Variants in TNPO2 observed in about 807,000 individuals in gnomAD.
TNPO2 encodes the protein transportin 2.
In TNPO2, 16 loss-of-function variants were observed where a neutral mutation model predicts 111.1. The observed-to-expected ratio is 0.14, with a 90% confidence interval of 0.10 to 0.22. TNPO2 has a LOEUF of 0.22. TNPO2 is among the 10% of genes least tolerant of loss of function. The pLI is 1.00. For missense variants in TNPO2, 530 were observed against 1,173.7 expected, an observed-to-expected ratio of 0.45 and a Z score of 8.01; for synonymous variants, 481 against 475.8, an observed-to-expected ratio of 1.01 and a Z score of -0.14.
intron 20 of TNPO2, chr19:12,703,166 T>G (rs774638888): frequency 1.2e-4 from 69 of 579,608 alleles, no homozygotes; most frequent in Non-Finnish European, 5.2e-5. Context: ...GCTGCCCAAG[T>G]CAAAGGAAAA....
intron 3 of TNPO2, 101 bp downstream of exon 3, chr19:12,720,778 T>A: frequency 7.1e-7 from 1 of 1,417,474 alleles, no homozygotes; most frequent in Non-Finnish European, 9.3e-7. Flanking sequence ...GCAGAAAAAA[T>A]CTGGGGACTA....
chr19:12,711,862 A>G (rs1030139110), intron 10 of TNPO2, among the ~76,000 whole-genome samples: 2 of 148,622 alleles, frequency 1.3e-5, no homozygotes, highest in Non-Finnish European at 2.9e-5. Context: ...GCCTCCAGAG[A>G]AAGGTTTTTT....
In TNPO2 at chr19:12,702,280, C is replaced by T; in HGVS notation, c.2306-103G>A. The T allele has an allele frequency of 9.9e-7, 1 of 1,007,916 alleles. No individual in the cohort carries two copies. Among genetic ancestry groups the T allele is most frequent in the South Asian group, 1.4e-5 (1 of 70,092 alleles). The allele number at this position is 1,007,916 out of a possible 1,614,324, so 62.4% of individuals were successfully genotyped here. A position where few individuals can be genotyped will look rare whatever the true frequency, so the allele number is the denominator to read the frequency against. On this transcript the variant is annotated intron_variant, in intron 21 of 25. Coordinates refer to ENST00000425528, the MANE Select transcript of TNPO2 (RefSeq NM_001382241.1). The surrounding 1 kb of genome is among the most constrained non-coding windows in gnomAD (Gnocchi z 5.5). The stretch of plus-strand genomic sequence containing the variant: ...CAAGGGAATGGCTACTGCAGCCACC[C>T]TGGTCCCCCAAGCTTGGCCCAGCCA...
chr19:12,700,677 C>A lies in TNPO2; in HGVS notation c.*587G>T, dbSNP rs964370729. ...CACCCACCCAGCCCTCCCCAGTCAC[C>A]GCCAATTCCGGCAAAACAGCAGAAG... On this transcript the variant is annotated 3_prime_UTR_variant, in exon 26 of 26. Coordinates refer to ENST00000425528, the MANE Select transcript of TNPO2 (RefSeq NM_001382241.1). The A allele has an allele frequency of 1.3e-5, 2 of 150,016 alleles. No individual in the cohort carries two copies. Among genetic ancestry groups the A allele is most frequent in the Admixed American group, 6.7e-5 (1 of 14,926 alleles). 9.3% of individuals were successfully genotyped at this position (150,016 alleles called of 1,614,324 possible).
rs745383330 is a variant in TNPO2, at chr19:12,701,330, C to T, written c.*16G>A. On this transcript the variant is annotated 3_prime_UTR_variant, in exon 25 of 26. Coordinates refer to ENST00000425528, the MANE Select transcript of TNPO2 (RefSeq NM_001382241.1). This position sits in a 1 kb window ranked among gnomAD's most constrained non-coding sequence, Gnocchi z 5.0. The stretch of plus-strand genomic sequence containing the variant: ...TGCCAGCTGCAGTCTCCTTACCTGG[C>T]AGTCTCCATGATCACCTAGACCCCA... 9.4e-6 allele frequency: 15 copies of T among 1,604,028 alleles called. No individual in the cohort carries two copies. In the Admixed American group the frequency reaches 2.2e-4, roughly 23 times the overall value.
rs750214748 is a variant in TNPO2 at position 12,719,124 on chromosome 19, T to C, written c.230A>G (p.His77Arg). The C allele has an allele frequency of 9.3e-6, 15 of 1,613,862 alleles. No individual in the cohort carries two copies. In the East Asian group the frequency reaches 1.3e-4, roughly 14 times the overall value. Residue 77 changes from histidine to arginine, a missense_variant, in exon 5 of 26, where the codon CAC becomes CGC. Transcript: ENST00000425528. The surrounding 1 kb of genome is among the most constrained non-coding windows in gnomAD (Gnocchi z 5.0). ...CACAGGGGGTGGGAAGCTCTGATAGTGTGCCTTCACGTTGTTCTTGAGGAT... is the reference window on the plus strand; with the variant it reads ...CACAGGGGGTGGGAAGCTCTGATAGCGTGCCTTCACGTTGTTCTTGAGGAT... ...GLILKNNVKAHYQSFPPPVAD... is the reference protein window; with the variant it reads ...GLILKNNVKARYQSFPPPVAD...
chr19:12,718,835 G>C (rs2026511289), intron 5 of TNPO2, among the ~76,000 whole-genome samples, 194 bp downstream of exon 5: 1 of 152,180 alleles, frequency 6.6e-6, no homozygotes, highest in South Asian at 2.1e-4. Flanking sequence ...TGCCTCAGCT[G>C]TTTCTGACTT....
Position 12,702,922 on chromosome 19 carries a change from G to A in TNPO2, c.2210-4C>T, listed in dbSNP as rs762204649. 1.9e-6 allele frequency: 3 copies of A among 1,613,612 alleles called. No homozygotes were observed. The highest frequency in any genetic ancestry group is 2.5e-6 in the Non-Finnish European group (3 of 1,179,634). ...ACATAAGGCTGCATCTCTGCCCCTG[G>A]GGGAGCACCCAGTCAGAGCCCTGCA... On this transcript the variant is annotated splice_region_variant and splice_polypyrimidine_tract_variant and intron_variant, in intron 20 of 25. Coordinates refer to ENST00000425528, the MANE Select transcript of TNPO2 (RefSeq NM_001382241.1). This position sits in a 1 kb window ranked among gnomAD's most constrained non-coding sequence, Gnocchi z 5.5.
Position 12,706,714 on chromosome 19 carries a change from A to C in TNPO2, c.1352T>G (p.Val451Gly). The change falls in exon 14 of 26, where the codon GTC becomes GGC. Residue 451 changes from valine to glycine, a missense_variant. Coordinates refer to ENST00000425528, the MANE Select transcript of TNPO2 (RefSeq NM_001382241.1). This position sits in a 1 kb window ranked among gnomAD's most constrained non-coding sequence, Gnocchi z 7.0. ...IQCLSDKKAL[V>G]RSIACWTLSR... ...CAGCGTCCAGCAGGCGATGGAGCGG[A>C]CCAAGGCCTTCTTATCCGACAGGCA... is the stretch of plus-strand genomic sequence containing the variant. 1.2e-6 allele frequency: 2 copies of C among 1,613,774 alleles called. No homozygotes were observed. Among genetic ancestry groups the C allele is most frequent in the Non-Finnish European group, 1.7e-6 (2 of 1,179,826 alleles).
At chr19:12,703,574 A>C (rs1232786510) in intron 19 of TNPO2, 48 bp from the exon 20 acceptor site, 1 of 1,598,154 alleles carries the variant, frequency 6.3e-7, no homozygotes, top group African/African-American at 1.3e-5. Flanking sequence ...AGCCAGGGTA[A>C]GCTGCAGGAC....
chr19:12,699,229 A>G lies in TNPO2; in HGVS notation c.*2035T>C, dbSNP rs1207898592. The G allele has an allele frequency of 2.3e-6, 1 of 428,338 alleles. No individual in the cohort carries two copies. Among genetic ancestry groups the G allele is most frequent in the Non-Finnish European group, 4.7e-6 (1 of 213,722 alleles). The allele number at this position is 428,338 out of a possible 1,614,324, so 26.5% of individuals were successfully genotyped here. A position where few individuals can be genotyped will look rare whatever the true frequency, so the allele number is the denominator to read the frequency against. ...ACAAGAAACTGATCTTTACTCAACA[A>G]AGTTCTACACAAGTGGAATCTCACG... On this transcript the variant is annotated 3_prime_UTR_variant, in exon 26 of 26. Coordinates refer to ENST00000425528, the MANE Select transcript of TNPO2 (RefSeq NM_001382241.1).
At chr19:12,722,561 T>TAAAAAAAAAAAAAAAAAAAAAA (rs751028490) in intron 2 of TNPO2, 4 of 40,894 alleles carry the variant, frequency 9.8e-5, no homozygotes, top group Non-Finnish European at 1.5e-4. Flanking sequence ...GAGAGAGAAT[T>TAAAAAAAAAAAAAAAAAAAAAA]AAAAAAAAAA....
intron 10 of TNPO2, among the ~76,000 whole-genome samples, chr19:12,713,621 G>T (rs139155354): frequency 6.6e-6 from 1 of 152,174 alleles, no homozygotes; most frequent in Non-Finnish European, 1.5e-5. Context: ...CAAGAGAATC[G>T]CTTGAACCCG....
intron 12 of TNPO2, 44 bp downstream of exon 12, chr19:12,711,252 C>G (rs967192284): frequency 8.1e-6 from 13 of 1,598,210 alleles, no homozygotes; most frequent in African/African-American, 1.3e-5. Context: ...AGAGGGAGTC[C>G]AGGGCTTGCC....
At position 12,706,156 on chromosome 19, in the gene TNPO2, G is replaced by T. The variant is rs753968108; in HGVS notation, c.1668+40C>A. 4 of 1,599,156 alleles carry T rather than the reference G, an allele frequency of 2.5e-6. No homozygotes were observed. Among genetic ancestry groups the T allele is most frequent in the Non-Finnish European group, 3.4e-6 (4 of 1,172,830 alleles). On this transcript the variant is annotated intron_variant, in intron 15 of 25. Transcript: ENST00000425528. This position sits in a 1 kb window ranked among gnomAD's most constrained non-coding sequence, Gnocchi z 7.0. ...CCACCAGGTCACTGGATGCCCAGGG[G>T]CACGGGGATCGGGAGGCGGGAGCCG...
chr19:12,711,359 G>T lies in TNPO2; in HGVS notation c.1054C>A (p.Pro352Thr). ...TVTLPHEAER[P>T]DGSEDAEDDD... is the part of the protein sequence containing the mutation. ...TCCTCCGCGTCCTCGGAGCCATCAGGCCGCTCAGCCTCGTGGGGCAGTGTG... is the reference window on the plus strand; with the variant it reads ...TCCTCCGCGTCCTCGGAGCCATCAGTCCGCTCAGCCTCGTGGGGCAGTGTG... Residue 352 changes from proline (P) to threonine (T), a missense_variant, in exon 12 of 26, where the codon CCT (proline) becomes ACT (threonine). This residue lies in a region of TNPO2 where 88 missense variants were observed against 130.2 expected (regional missense o/e 0.68). Coordinates refer to ENST00000425528, the MANE Select transcript of TNPO2 (RefSeq NM_001382241.1). The T allele has an allele frequency of 1.2e-6, 2 of 1,614,026 alleles. No individual in the cohort carries two copies. Among genetic ancestry groups the T allele is most frequent in the Non-Finnish European group, 8.5e-7 (1 of 1,179,906 alleles).
In TNPO2 at chr19:12,702,083, G is replaced by C; in HGVS notation, c.2400C>G (p.Phe800Leu). 1 of 1,613,512 alleles carries C rather than the reference G, an allele frequency of 6.2e-7. No homozygotes were observed. Among genetic ancestry groups the C allele is most frequent in the Non-Finnish European group, 8.5e-7 (1 of 1,179,794 alleles). ...PQEVAPMLQQ[F>L]IRPWCTSLRN... is the part of the protein sequence containing the mutation. ...ACGTGGACACACACCAAGGCCGGATGAACTGCTGCAGCATGGGTGCCACCT... is the reference window on the plus strand; with the variant it reads ...ACGTGGACACACACCAAGGCCGGATCAACTGCTGCAGCATGGGTGCCACCT... Residue 800 changes from phenylalanine to leucine, a missense_variant, in exon 22 of 26, where the codon TTC becomes TTG. Around this residue, in one of 4 missense-constraint regions of TNPO2, gnomAD observed 103 missense variants for 156.7 expected, o/e 0.66. Transcript: ENST00000425528. The surrounding 1 kb of genome is among the most constrained non-coding windows in gnomAD (Gnocchi z 5.5).
chr19:12,706,437 G>T lies in TNPO2; in HGVS notation c.1497-70C>A. On this transcript the variant is annotated intron_variant, in intron 14 of 25. Coordinates refer to ENST00000425528, the MANE Select transcript of TNPO2 (RefSeq NM_001382241.1). The surrounding 1 kb of genome is among the most constrained non-coding windows in gnomAD (Gnocchi z 7.0). The stretch of plus-strand genomic sequence containing the variant: ...GGTGACACTGGGCCATGGGCAGTTG[G>T]GGAGGGCAACTCAGGATCAGCCAGT... 1 of 1,597,938 alleles carries T rather than the reference G, an allele frequency of 6.3e-7. No homozygotes were observed. Among genetic ancestry groups the T allele is most frequent in the Non-Finnish European group, 8.6e-7 (1 of 1,165,940 alleles).
chr19:12,709,634 T>G (rs1297297415), intron 13 of TNPO2, among the ~76,000 whole-genome samples: 1 of 149,390 alleles, frequency 6.7e-6, no homozygotes, highest in African/African-American at 2.6e-5. Context: ...GCCGGCTAAT[T>G]TTATCAGGTT....
Sources: allele counts gnomAD v4.1 joint callset (sites outside exome capture counted in the v4.1 genomes callset), GRCh38; gene constraint gnomAD v4.1.1; regional missense constraint gnomAD v4.1.1; non-coding constraint Gnocchi (gnomAD v3.1); transcripts MANE v1.5; gene names NCBI Gene and HGNC (gene_info 2026-07-23, HGNC 2026-07-21).